The following ELK3 variants were observed in gnomAD, a reference collection of about 807,000 sequenced individuals.
ELK3 encodes ETS transcription factor ELK3.
Under a neutral mutation model 28.9 loss-of-function variants are expected in ELK3, and 10 were observed. The ratio of observed to expected loss-of-function variants is 0.35; its 90% CI spans 0.21 to 0.59. The LOEUF is 0.59. Ranked by LOEUF, ELK3 falls within the 20% of genes least tolerant of loss-of-function variation. ELK3 has a pLI of 0.82. For synonymous variants in ELK3, 272 were observed against 243.5 expected, an observed-to-expected ratio of 1.12 and a Z score of -1.09; for missense variants, 463 against 517.3, an observed-to-expected ratio of 0.90 and a Z score of 1.02.
chr12:96,265,480 G>A (rs552673969), intron 4 of ELK3, among the ~76,000 whole-genome samples: 25 of 152,252 alleles, frequency 1.6e-4, no homozygotes, highest in African/African-American at 5.5e-4. Flanking sequence ...GAGCTCAGGA[G>A]TTCCAGACCA....
At chr12:96,217,740 A>G (rs1184200852) in intron 1 of ELK3, among the ~76,000 whole-genome samples, 11 of 152,118 alleles carry the variant, frequency 7.2e-5, no homozygotes, top group Admixed American at 7.2e-4. Context: ...GATCGAGACC[A>G]TCTTGGCCAA....
At chr12:96,220,806 C>T (rs1951656662) in intron 1 of ELK3, among the ~76,000 whole-genome samples, 2 of 152,120 alleles carry the variant, frequency 1.3e-5, no homozygotes, top group Non-Finnish European at 2.9e-5. Flanking sequence ...GCTTTTGCTG[C>T]AGTGGTGCTG....
At chr12:96,226,100 C>G (rs1027565192) in intron 2 of ELK3, among the ~76,000 whole-genome samples, 1 of 152,004 alleles carries the variant, frequency 6.6e-6, no homozygotes, top group African/African-American at 2.4e-5. Context: ...CCACTGCACT[C>G]CAGCTTGGGC....
At chr12:96,225,158 G>A (rs1369650609) in intron 2 of ELK3, among the ~76,000 whole-genome samples, 3 of 152,222 alleles carry the variant, frequency 2.0e-5, no homozygotes, top group Non-Finnish European at 4.4e-5. Flanking sequence ...ATTCTGCAGT[G>A]GGAACTGGGG....
intron 3 of ELK3, chr12:96,255,432 A>C (rs982957819): frequency 1.8e-4 from 26 of 147,992 alleles, no homozygotes; most frequent in African/African-American, 5.8e-4. Context: ...CCTGTAGCCC[A>C]GGGAACTATG....
chr12:96,210,255 G>A (rs1482539445), intron 1 of ELK3, among the ~76,000 whole-genome samples: 1 of 151,818 alleles, frequency 6.6e-6, no homozygotes, highest in South Asian at 2.1e-4. Flanking sequence ...TGTTTTTTTC[G>A]GGGCATGTTG....
At chr12:96,236,992 G>T (rs1264174353) in intron 2 of ELK3, among the ~76,000 whole-genome samples, 1 of 152,142 alleles carries the variant, frequency 6.6e-6, no homozygotes, top group Non-Finnish European at 1.5e-5. Flanking sequence ...TCCAGTCTCT[G>T]CCTCCACGTC....
chr12:96,259,767 C>T lies in ELK3; in HGVS notation c.1039C>T (p.Leu347Phe), dbSNP rs764069336. ...ATTGCTTCTGACTCCGAGTCCACTG[C>T]TCTCCAGCATACATTTCTGGAGCAG... ...NGLLLTPSPLLSSIHFWSSLS... is the reference protein window; with the variant it reads ...NGLLLTPSPLFSSIHFWSSLS... Residue 347 changes from leucine to phenylalanine, a missense_variant, in exon 4 of 5, where the codon CTC becomes TTC. Transcript: ENST00000228741. 6.2e-7 allele frequency: 1 copy of T among 1,611,270 alleles called. No individual in the cohort carries two copies. Among genetic ancestry groups the T allele is most frequent in the Non-Finnish European group, 8.5e-7 (1 of 1,179,084 alleles).
At chr12:96,238,466 C>T (rs1025896370) in intron 2 of ELK3, among the ~76,000 whole-genome samples, 1 of 152,210 alleles carries the variant, frequency 6.6e-6, no homozygotes, top group African/African-American at 2.4e-5. Flanking sequence ...TGGCCTGTGC[C>T]CTTGTGTGAG....
chr12:96,267,281 T>A lies in ELK3; in HGVS notation c.*101T>A, dbSNP rs1952041694. ...TGAGAAGGACATTGTGAAACTCTTG[T>A]TAATTTGGTTTGCACTTTTCATAAC... On this transcript the variant is annotated 3_prime_UTR_variant, in exon 5 of 5. Transcript: ENST00000228741. 1 of 1,007,898 alleles carries A rather than the reference T, an allele frequency of 9.9e-7. No individual in the cohort carries two copies. The highest frequency in any genetic ancestry group is 1.4e-6 in the Non-Finnish European group (1 of 699,982). 62.4% of individuals were successfully genotyped at this position (1,007,898 alleles called of 1,614,324 possible).
intron 2 of ELK3, among the ~76,000 whole-genome samples, chr12:96,236,703 G>A (rs970753194): frequency 1.3e-5 from 2 of 152,166 alleles, no homozygotes; most frequent in African/African-American, 2.4e-5. Flanking sequence ...CCCCAGTGGC[G>A]GCCCCAGGCT....
intron 1 of ELK3, among the ~76,000 whole-genome samples, chr12:96,196,649 A>C (rs1380305149): frequency 2.6e-5 from 4 of 151,834 alleles, no homozygotes; most frequent in Admixed American, 2.6e-4. Context: ...GTGTTCTTAG[A>C]GTTTCCAGTA....
chr12:96,198,316 C>T (rs1310757995), intron 1 of ELK3, among the ~76,000 whole-genome samples: 2 of 152,198 alleles, frequency 1.3e-5, no homozygotes, highest in Non-Finnish European at 2.9e-5. Flanking sequence ...CCCACCTCAG[C>T]CTCCGCAGTA....
At chr12:96,208,992 G>C (rs1246412569) in intron 1 of ELK3, among the ~76,000 whole-genome samples, 1 of 152,212 alleles carries the variant, frequency 6.6e-6, no homozygotes, top group African/African-American at 2.4e-5. Flanking sequence ...GATCCCTTGG[G>C]GATCCTTCTG....
At chr12:96,222,966 C>T (rs1399166540) in intron 1 of ELK3, 1 of 154,608 alleles carries the variant, frequency 6.5e-6, no homozygotes, top group African/African-American at 2.4e-5. Context: ...AAGCGAGGGT[C>T]AAGGTGCCAC....
chr12:96,234,181 C>G (rs1252430525), intron 2 of ELK3, among the ~76,000 whole-genome samples: 2 of 152,184 alleles, frequency 1.3e-5, no homozygotes, highest in Non-Finnish European at 2.9e-5. Flanking sequence ...GCACGTGCTT[C>G]CAGGCCAGCT....
At chr12:96,206,067 A>G (rs934226994) in intron 1 of ELK3, among the ~76,000 whole-genome samples, 22 of 152,182 alleles carry the variant, frequency 1.4e-4, no homozygotes, top group African/African-American at 4.8e-4. Context: ...ACGGCTCTCA[A>G]ATAAGCTCGT....
chr12:96,257,761 C>G (rs928152104), intron 3 of ELK3, among the ~76,000 whole-genome samples: 1 of 152,202 alleles, frequency 6.6e-6, no homozygotes, highest in African/African-American at 2.4e-5. Context: ...CCTAACACAA[C>G]TGACAGTAGC....
intron 1 of ELK3, among the ~76,000 whole-genome samples, chr12:96,194,970 G>A (rs908375367): frequency 5.3e-5 from 8 of 150,790 alleles, no homozygotes; most frequent in Non-Finnish European, 1.2e-4. Context: ...GGGACCCTGC[G>A]CCCGCGGCTC....
Sources: gnomAD v4.1 joint callset for allele counts (sites outside exome capture counted in the v4.1 genomes callset) on GRCh38, gnomAD v4.1.1 for gene constraint, MANE v1.5 for transcripts, NCBI Gene and HGNC (gene_info 2026-07-23, HGNC 2026-07-21) for gene names.